IGSF10: variants seen among roughly 807,000 people sequenced by gnomAD.
IGSF10 encodes calvaria mechanical force protein 608.
Under a neutral mutation model 128.2 loss-of-function variants are expected in IGSF10, and 126 were observed. That is an observed-to-expected ratio of 0.98 (90% confidence interval 0.85 to 1.14). IGSF10 has a LOEUF of 1.14. Among genes scored for constraint, IGSF10 ranks in the 50% most tolerant of loss-of-function variants. IGSF10 has a pLI of 0.00. For missense variants in IGSF10, 3,295 were observed against 3,149.8 expected (o/e 1.05, Z -1.10); for synonymous variants, 1,185 against 1,146.2 (o/e 1.03, Z -0.68).
the IGSF10 span, among the ~76,000 whole-genome samples, chr3:151,569,208 AT>A: frequency 2.6e-5 from 4 of 152,134 alleles, no homozygotes; most frequent in Non-Finnish European, 4.4e-5. Context: ...AGTAGCTGGG[AT>A]TACAGGTATG....
chr3:151,526,355 C>T, the IGSF10 span, among the ~76,000 whole-genome samples: 1 of 151,596 alleles, frequency 6.6e-6, no homozygotes, highest in South Asian at 2.1e-4. Flanking sequence ...ATAACTTTGT[C>T]CATAAATTGG....
chr3:151,447,509 G>A lies in IGSF10; in HGVS notation c.2472C>T (p.Asp824=), dbSNP rs1577670653. 1.2e-6 allele frequency: 2 copies of A among 1,614,116 alleles called. No homozygotes were observed. The highest frequency in any genetic ancestry group is 1.7e-6 in the Non-Finnish European group (2 of 1,179,966). The change falls in exon 6 of 8, where the codon GAC becomes GAT. Residue 824 remains aspartate, a synonymous_variant. Coordinates refer to ENST00000282466, the MANE Select transcript of IGSF10 (RefSeq NM_178822.5). ...TAGGACTATCAGATATTGTTCTGGA[G>A]TCAGCAGTCACTGTCCTTGCTGGAA... ...LNLPARTVTA[D]SRTISDSPMT... is the part of the protein sequence containing the mutation.
the IGSF10 span, among the ~76,000 whole-genome samples, chr3:151,466,744 A>T: frequency 6.6e-6 from 1 of 151,956 alleles, no homozygotes; most frequent in Non-Finnish European, 1.5e-5. Flanking sequence ...ATGCCCAGCT[A>T]ATTTTTGTAT....
rs78861718 is a variant in IGSF10 at position 151,448,609 on chromosome 3, T to C, written c.1372A>G (p.Ile458Val). 7.3e-4 allele frequency: 1,178 copies of C among 1,614,116 alleles called. 20 individuals carry two copies. The East Asian group carries it at 0.026, about 35-fold the overall frequency. The change falls in exon 6 of 8, where the codon ATC (isoleucine) becomes GTC (valine). Residue 458 changes from isoleucine to valine, a missense_variant. Physicochemically the swap from Ile to Val is conservative, Grantham distance 29. Transcript: ENST00000282466. Reference sequence around the variant, plus strand: ...CTCATCTCTGCTCTTGGTAAAGTGATTTGAGCATCACTGGAGTACTGGATC... The same window carrying C: ...CTCATCTCTGCTCTTGGTAAAGTGACTTGAGCATCACTGGAGTACTGGATC... Reference protein sequence around the residue: ...LQIQYSSDAQITLPRAEMRPV... With the variant: ...LQIQYSSDAQVTLPRAEMRPV...
At chr3:151,524,589 A>C in the IGSF10 span, among the ~76,000 whole-genome samples, 1 of 152,082 alleles carries the variant, frequency 6.6e-6, no homozygotes, top group Non-Finnish European at 1.5e-5. Context: ...AGAACTAGTG[A>C]ACCCAAAGAA....
the IGSF10 span, among the ~76,000 whole-genome samples, chr3:151,523,303 C>G: frequency 6.6e-6 from 1 of 151,908 alleles, no homozygotes; most frequent in Non-Finnish European, 1.5e-5. Flanking sequence ...CTTCACAGAA[C>G]TAGAAAAAAC....
chr3:151,551,457 T>C, the IGSF10 span, among the ~76,000 whole-genome samples: 6 of 151,722 alleles, frequency 4.0e-5, no homozygotes, highest in African/African-American at 1.2e-4. Flanking sequence ...TAACGCATTT[T>C]TGATCTGAGT....
intron 5 of IGSF10, among the ~76,000 whole-genome samples, chr3:151,450,999 G>A (rs1419742574): frequency 6.6e-6 from 1 of 151,590 alleles, no homozygotes; most frequent in Non-Finnish European, 1.5e-5. Context: ...AGACAACATG[G>A]CAGACTTCTG....
Position 151,448,393 on chromosome 3 carries a change from T to C in IGSF10, c.1588A>G (p.Ile530Val), listed in dbSNP as rs561567687. 1.2e-6 allele frequency: 2 copies of C among 1,614,248 alleles called. No individual in the cohort carries two copies. Among genetic ancestry groups the C allele is most frequent in the African/African-American group, 2.7e-5 (2 of 75,068 alleles). ...AGTTCCAATTTTCCACTTTTGTCTATTAGGATCCGTCCATCCTCACTGACA... is the reference window on the plus strand; with the variant it reads ...AGTTCCAATTTTCCACTTTTGTCTACTAGGATCCGTCCATCCTCACTGACA... ...PYVSEDGRIL[I>V]DKSGKLELQM... Residue 530 changes from isoleucine (I) to valine (V), a missense_variant, in exon 6 of 8, where the codon ATA (isoleucine) becomes GTA (valine). Transcript: ENST00000282466.
At chr3:151,613,955 C>A in the IGSF10 span, among the ~76,000 whole-genome samples, 1 of 152,152 alleles carries the variant, frequency 6.6e-6, no homozygotes, top group South Asian at 2.1e-4. Context: ...CCAGAATCTA[C>A]AATGAACTCA....
At position 151,460,929 on chromosome 3, in the gene IGSF10, TTG is replaced by T. The variant is rs1009845616; in HGVS notation, c.-89+15_-89+16del. 1.5e-5 allele frequency: 15 copies of T among 985,186 alleles called. No individual in the cohort carries two copies. Among genetic ancestry groups the T allele is most frequent in the Admixed American group, 1.2e-4 (2 of 16,260 alleles). The allele number at this position is 985,186 out of a possible 1,614,324, so 61.0% of individuals were successfully genotyped here. A position where few individuals can be genotyped will look rare whatever the true frequency, so the allele number is the denominator to read the frequency against. On this transcript the variant is annotated intron_variant, in intron 1 of 7. Transcript: ENST00000282466. Reference sequence around the variant, plus strand: ...GGTTCCAGCCCTTTCCGGGGAAGGATTGGCCGAGGCGCTCACCTGTTTGCCCT... The same window carrying T: ...GGTTCCAGCCCTTTCCGGGGAAGGATGCCGAGGCGCTCACCTGTTTGCCCT...
At chr3:151,480,550 A>G in the IGSF10 span, among the ~76,000 whole-genome samples, 19 of 152,058 alleles carry the variant, frequency 1.2e-4, no homozygotes, top group African/African-American at 4.6e-4. Context: ...GCTCTGCACC[A>G]TCTTATAAGC....
chr3:151,557,821 T>C, the IGSF10 span, among the ~76,000 whole-genome samples: 1 of 150,626 alleles, frequency 6.6e-6, no homozygotes, highest in South Asian at 2.1e-4. Flanking sequence ...TGTTTATTAC[T>C]AAGCTTAACA....
chr3:151,450,146 T>C (rs940316248), intron 5 of IGSF10, among the ~76,000 whole-genome samples: 1 of 152,216 alleles, frequency 6.6e-6, no homozygotes, highest in African/African-American at 2.4e-5. Flanking sequence ...TTCTAAGTCA[T>C]AGGTGCCTTG....
downstream of IGSF10, chr3:151,434,123 CTCTG>C (rs1398898316): frequency 6.6e-6 from 1 of 152,166 alleles, no homozygotes; most frequent in African/African-American, 2.4e-5. Flanking sequence ...TTCCCATGTT[CTCTG>C]TTATTTCATT....
chr3:151,438,539 C>T lies in IGSF10; in HGVS notation c.6022G>A (p.Glu2008Lys), dbSNP rs752894684. 1.1e-5 allele frequency: 17 copies of T among 1,613,942 alleles called. No individual in the cohort carries two copies. In the East Asian group the frequency reaches 3.6e-4, roughly 34 times the overall value. Reference sequence around the variant, plus strand: ...CACAAGTAGACACCACTGTCTTTTTCTGTTACTGATCCAATAAACAGGGAT... The same window carrying T: ...CACAAGTAGACACCACTGTCTTTTTTTGTTACTGATCCAATAAACAGGGAT... The part of the protein sequence containing the change: ...NGSLFIGSVT[E>K]KDSGVYLCVA... The change falls in exon 8 of 8, where the codon GAA becomes AAA. Residue 2008 changes from glutamate to lysine, a missense_variant. Coordinates refer to ENST00000282466, the MANE Select transcript of IGSF10 (RefSeq NM_178822.5).
At chr3:151,487,999 G>GAAAAAA in the IGSF10 span, among the ~76,000 whole-genome samples, 3 of 151,810 alleles carry the variant, frequency 2.0e-5, no homozygotes, top group Admixed American at 6.6e-5. Context: ...GCAAGAAAAA[G>GAAAAAA]AAAAAAGCAT....
chr3:151,468,958 G>C, the IGSF10 span, among the ~76,000 whole-genome samples: 88 of 152,214 alleles, frequency 5.8e-4, no homozygotes, highest in African/African-American at 2.1e-3. Context: ...TCATTGTTCA[G>C]CTCCCACTTA....
At chr3:151,611,857 T>C in the IGSF10 span, among the ~76,000 whole-genome samples, 24 of 152,186 alleles carry the variant, frequency 1.6e-4, no homozygotes, top group Non-Finnish European at 2.8e-4. Flanking sequence ...TACTAAGCAC[T>C]GAACTAAAAA....
Sources: allele counts gnomAD v4.1 joint callset (sites outside exome capture counted in the v4.1 genomes callset), GRCh38; gene constraint gnomAD v4.1.1; transcripts MANE v1.5; gene names NCBI Gene and HGNC (gene_info 2026-07-23, HGNC 2026-07-21).